PRKCZ: variants seen among roughly 807,000 people sequenced by gnomAD.
The protein encoded by PRKCZ is protein kinase C zeta.
A neutral mutation model predicts 79.5 loss-of-function variants in PRKCZ; 33 were observed. The observed-to-expected ratio is 0.41, with a 90% confidence interval of 0.31 to 0.55. The LOEUF is 0.55. Ranked by LOEUF, PRKCZ falls within the 20% of genes least tolerant of loss-of-function variation. The pLI is 0.19. For synonymous variants in PRKCZ, 342 were observed against 320.9 expected, an observed-to-expected ratio of 1.07 and a Z score of -0.70; for missense variants, 578 against 813.5, an observed-to-expected ratio of 0.71 and a Z score of 3.52.
At chr1:2,109,681 G>A (rs940904339) in intron 4 of PRKCZ, among the ~76,000 whole-genome samples, 4 of 152,172 alleles carry the variant, frequency 2.6e-5, no homozygotes, top group Non-Finnish European at 4.4e-5. Flanking sequence ...TGCAGTGTCC[G>A]GAAGGCGGTG....
rs1349791830 is a variant in PRKCZ, at chr1:2,174,256, C to T, written c.1405+240C>T. Among the ~76,000 whole-genome samples, 1 of 152,296 alleles carries T rather than the reference C, an allele frequency of 6.6e-6. No individual in the cohort carries two copies. Among genetic ancestry groups the T allele is most frequent in the East Asian group, 1.9e-4 (1 of 5,172 alleles). ...CCTGTCCCCATTCAGCTCCAACTCC[C>T]TCCTGCCCTGGCCAGCAGCACATGC... is the stretch of plus-strand genomic sequence containing the variant. On this transcript the variant is annotated intron_variant, in intron 14 of 17. Coordinates refer to ENST00000378567, the MANE Select transcript of PRKCZ (RefSeq NM_002744.6). This position sits in a 1 kb window ranked among gnomAD's most constrained non-coding sequence, Gnocchi z 6.2.
intron 4 of PRKCZ, among the ~76,000 whole-genome samples, chr1:2,066,680 T>C (rs543484306): frequency 6.6e-6 from 1 of 152,266 alleles, no homozygotes; most frequent in South Asian, 2.1e-4. Context: ...TCTGCCAGCT[T>C]TTGGTTTGTT....
chr1:2,055,005 C>T (rs936972854), intron 1 of PRKCZ, among the ~76,000 whole-genome samples: 14 of 150,756 alleles, frequency 9.3e-5, no homozygotes, highest in African/African-American at 3.2e-4. Flanking sequence ...TGCAGTGGCG[C>T]GATCTCGGCT....
chr1:2,175,295 C>A lies in PRKCZ; in HGVS notation c.1557C>A (p.Arg519=), dbSNP rs1685219954. 1 of 1,613,506 alleles carries A rather than the reference C, an allele frequency of 6.2e-7. No individual in the cohort carries two copies. The highest frequency in any genetic ancestry group is 1.3e-5 in the African/African-American group (1 of 74,978). Residue 519 remains arginine, a synonymous_variant, in exon 16 of 18, where the codon CGC becomes CGA. Transcript: ENST00000378567. ...FSDIKSHAFF[R]SIDWDLLEKK... ...ACATCAAGTCCCACGCGTTCTTCCG[C>A]AGCATAGACTGGGACTTGGTAAAGC...
At position 2,159,138 on chromosome 1, in the gene PRKCZ, G is replaced by C. The variant is rs750212439; in HGVS notation, c.974+3046G>C. On this transcript the variant is annotated intron_variant, in intron 10 of 17. Transcript: ENST00000378567. ...AACGGGGTGAGCTCCGGGTTGGGGG[G>C]AGGACCGGCAGCTGCCTTAGTCCAA... 8.3e-4 allele frequency among the ~76,000 whole-genome samples: 127 copies of C among 152,306 alleles called. 1 individual carries two copies. Among genetic ancestry groups the C allele is most frequent in the Non-Finnish European group, 1.1e-3 (78 of 68,016 alleles).
intron 10 of PRKCZ, among the ~76,000 whole-genome samples, chr1:2,160,610 G>T (rs552838360): frequency 6.6e-6 from 1 of 152,206 alleles, no homozygotes; most frequent in East Asian, 1.9e-4. Flanking sequence ...GTGCAGTGCT[G>T]GTGTTGGGCA....
At chr1:2,180,844 C>T (rs1314899616) in intron 16 of PRKCZ, among the ~76,000 whole-genome samples, 2 of 152,150 alleles carry the variant, frequency 1.3e-5, no homozygotes, top group Non-Finnish European at 2.9e-5. Flanking sequence ...CATCCGGTGG[C>T]AGGGCTCACC....
chr1:2,172,483 C>T lies in PRKCZ; in HGVS notation c.1285+95C>T, dbSNP rs756919913. 395 of 1,306,598 alleles carry T rather than the reference C, an allele frequency of 3.0e-4. 2 individuals carry two copies. In the African/African-American group the frequency reaches 5.4e-3, roughly 18 times the overall value. The allele number at this position is 1,306,598 out of a possible 1,614,324, so 80.9% of individuals were successfully genotyped here. A position where few individuals can be genotyped will look rare whatever the true frequency, so the allele number is the denominator to read the frequency against. On this transcript the variant is annotated intron_variant, in intron 13 of 17. Transcript: ENST00000378567. This position sits in a 1 kb window ranked among gnomAD's most constrained non-coding sequence, Gnocchi z 7.8. ...GCCAGGGAGAGGTGTCCTTGACCAT[C>T]TTACACCCAAAAGCCACACACTGTC...
rs546919052 is a variant in PRKCZ, at chr1:2,125,153, T to G, written c.335-10109T>G. ...AGGAACTCGGAGCAGCTTCTTGTTGTTGGTGTTGATGTGTTTTGTTTGTTT... is the reference window on the plus strand; with the variant it reads ...AGGAACTCGGAGCAGCTTCTTGTTGGTGGTGTTGATGTGTTTTGTTTGTTT... On this transcript the variant is annotated intron_variant, in intron 4 of 17. Transcript: ENST00000378567. This position sits in a 1 kb window ranked among gnomAD's most constrained non-coding sequence, Gnocchi z 4.2. Among the ~76,000 whole-genome samples the G allele has an allele frequency of 6.6e-6, 1 of 152,244 alleles. No homozygotes were observed. Among genetic ancestry groups the G allele is most frequent in the Admixed American group, 6.5e-5 (1 of 15,286 alleles).
At chr1:2,076,385 C>T (rs1662429101) in intron 4 of PRKCZ, among the ~76,000 whole-genome samples, 1 of 152,332 alleles carries the variant, frequency 6.6e-6, no homozygotes. Context: ...CATCTCCCAG[C>T]CCCTGGGGTT....
chr1:2,136,429 C>T (rs919885179), intron 5 of PRKCZ, among the ~76,000 whole-genome samples: 1 of 152,160 alleles, frequency 6.6e-6, no homozygotes, highest in Admixed American at 6.5e-5. Flanking sequence ...TGGACATTGC[C>T]TGGAGAGCCC....
At chr1:2,081,264 C>T (rs1372544249) in intron 4 of PRKCZ, among the ~76,000 whole-genome samples, 5 of 152,080 alleles carry the variant, frequency 3.3e-5, no homozygotes, top group East Asian at 1.9e-4. Context: ...GATACCGTGT[C>T]GCTTACTTAT....
intron 1 of PRKCZ, among the ~76,000 whole-genome samples, chr1:2,053,038 T>C (rs536806170): frequency 3.2e-4 from 48 of 151,612 alleles, no homozygotes; most frequent in Non-Finnish European, 6.0e-4. Flanking sequence ...TGGGCCAGAC[T>C]CCCACGCTGA....
chr1:2,174,777 A>G lies in PRKCZ; in HGVS notation c.1429A>G (p.Ile477Val). 5.0e-6 allele frequency: 8 copies of G among 1,614,130 alleles called. No homozygotes were observed. The highest frequency in any genetic ancestry group is 5.9e-6 in the Non-Finnish European group (7 of 1,179,998). Residue 477 changes from isoleucine (I) to valine (V), a missense_variant, in exon 15 of 18, where the codon ATC (isoleucine) becomes GTC (valine). Ile to Val is a conservative substitution (Grantham distance 29). Transcript: ENST00000378567. This position sits in a 1 kb window ranked among gnomAD's most constrained non-coding sequence, Gnocchi z 6.2. ...AGTGATCCTGGAGAAGCCCATCCGG[A>G]TCCCCCGGTTCCTGTCCGTCAAAGC... ...FQVILEKPIR[I>V]PRFLSVKASH...
intron 4 of PRKCZ, among the ~76,000 whole-genome samples, chr1:2,105,516 C>T (rs914199465): frequency 6.6e-6 from 1 of 152,216 alleles, no homozygotes; most frequent in African/African-American, 2.4e-5. Flanking sequence ...TCTCTTGCCT[C>T]GGCCTCCCGA....
intron 16 of PRKCZ, among the ~76,000 whole-genome samples, chr1:2,176,451 A>G (rs1293698541): frequency 1.3e-5 from 2 of 152,172 alleles, no homozygotes; most frequent in Admixed American, 6.5e-5. Flanking sequence ...TTTCCAGCAC[A>G]TGGAGGGTTT....
intron 4 of PRKCZ, among the ~76,000 whole-genome samples, chr1:2,091,938 C>T (rs901084791): frequency 6.6e-6 from 1 of 152,174 alleles, no homozygotes; most frequent in African/African-American, 2.4e-5. Flanking sequence ...TTTATAAAAT[C>T]TTTATAAAAA....
intron 9 of PRKCZ, among the ~76,000 whole-genome samples, chr1:2,154,938 G>A (rs1211415280): frequency 6.6e-6 from 1 of 152,204 alleles, no homozygotes; most frequent in Non-Finnish European, 1.5e-5. Flanking sequence ...GGACCTTGGG[G>A]AATCTGCTTA....
intron 4 of PRKCZ, among the ~76,000 whole-genome samples, chr1:2,102,879 C>G (rs940837643): frequency 6.6e-6 from 1 of 151,840 alleles, no homozygotes; most frequent in Non-Finnish European, 1.5e-5. Context: ...GCCCCTCCCC[C>G]CGTCTGTCTC....
Sources: gnomAD v4.1 joint callset for allele counts (sites outside exome capture counted in the v4.1 genomes callset) on GRCh38, gnomAD v4.1.1 for gene constraint, Gnocchi (gnomAD v3.1) non-coding constraint, MANE v1.5 for transcripts, NCBI Gene and HGNC (gene_info 2026-07-23, HGNC 2026-07-21) for gene names.